The following MGAT4A variants were observed in gnomAD, a reference collection of about 807,000 sequenced individuals.
MGAT4A encodes the protein alpha-1,3-mannosyl-glycoprotein 4-beta-N-acetylglucosaminyltransferase A, also known as N-acetylglucosaminyltransferase IVa.
A neutral mutation model predicts 74.1 loss-of-function variants in MGAT4A; 33 were observed. The ratio of observed to expected loss-of-function variants is 0.45; its 90% CI spans 0.34 to 0.60. MGAT4A has a LOEUF of 0.60. MGAT4A is among the 20% of genes least tolerant of loss of function. The pLI is 0.02. For missense variants in MGAT4A, 479 were observed against 628.3 expected (o/e 0.76, Z 2.54); for synonymous variants, 198 against 210.4 (o/e 0.94, Z 0.51).
At chr2:98,710,042 AAAAC>A (rs2104323798) in intron 2 of MGAT4A, among the ~76,000 whole-genome samples, 1 of 152,344 alleles carries the variant, frequency 6.6e-6, no homozygotes, top group East Asian at 1.9e-4. Flanking sequence ...ATTGGAAAAA[AAAAC>A]AATCAATGAC....
At chr2:98,683,086 T>TAA (rs1052884537) in intron 2 of MGAT4A, among the ~76,000 whole-genome samples, 11 of 136,984 alleles carry the variant, frequency 8.0e-5, no homozygotes, top group Non-Finnish European at 1.4e-4. Context: ...AGACTCCGTC[T>TAA]AAAAAAAAAA....
chr2:98,723,649 C>G (rs1702717727), intron 2 of MGAT4A, among the ~76,000 whole-genome samples: 1 of 152,180 alleles, frequency 6.6e-6, no homozygotes, highest in African/African-American at 2.4e-5. Context: ...GAGCATCTCA[C>G]AATTCCAAAG....
chr2:98,700,079 G>A (rs376651610), intron 2 of MGAT4A, among the ~76,000 whole-genome samples: 2 of 151,830 alleles, frequency 1.3e-5, no homozygotes, highest in Admixed American at 6.6e-5. Context: ...TCATGATTCC[G>A]CTTTTATGGA....
rs1301827773 is a variant in MGAT4A, at chr2:98,619,767, C to G, written c.*5799G>C. On this transcript the variant is annotated 3_prime_UTR_variant, in exon 16 of 16. Transcript: ENST00000393487. ...AAGTACCAAACCCTTGGTTCCAGGA[C>G]AGTTTGCTAATTACTAATACAATGA... 6.6e-6 allele frequency: 1 copy of G among 152,194 alleles called. No homozygotes were observed. Among genetic ancestry groups the G allele is most frequent in the Admixed American group, 6.5e-5 (1 of 15,280 alleles). 9.4% of individuals were successfully genotyped at this position (152,194 alleles called of 1,614,324 possible).
chr2:98,688,088 C>T (rs1702151459), intron 2 of MGAT4A, among the ~76,000 whole-genome samples: 1 of 152,174 alleles, frequency 6.6e-6, no homozygotes, highest in Non-Finnish European at 1.5e-5. Context: ...CCATCTGACT[C>T]CTCCTTAACC....
intron 4 of MGAT4A, among the ~76,000 whole-genome samples, chr2:98,671,196 T>C (rs1169448906): frequency 6.6e-6 from 1 of 152,204 alleles, no homozygotes; most frequent in Admixed American, 6.5e-5. Context: ...CATCTTCTTC[T>C]TCCCATCTCT....
At chr2:98,664,662 C>A (rs923593749) in intron 4 of MGAT4A, among the ~76,000 whole-genome samples, 1 of 152,184 alleles carries the variant, frequency 6.6e-6, no homozygotes, top group Admixed American at 6.5e-5. Context: ...CTTCAACAAG[C>A]AAATCTCAGG....
At chr2:98,720,690 T>C (rs1702657151) in intron 2 of MGAT4A, among the ~76,000 whole-genome samples, 1 of 152,056 alleles carries the variant, frequency 6.6e-6, no homozygotes, top group African/African-American at 2.4e-5. Flanking sequence ...GCCTCAAGAA[T>C]AGATTTGTAC....
intron 2 of MGAT4A, among the ~76,000 whole-genome samples, chr2:98,696,875 T>G (rs1459733579): frequency 1.3e-5 from 2 of 152,220 alleles, no homozygotes. Flanking sequence ...TTTATTACTT[T>G]CTAAGGTTTA....
At chr2:98,675,196 T>A (rs1701962796) in intron 3 of MGAT4A, 21 bp from the exon 4 acceptor site, 7 of 1,533,156 alleles carry the variant, frequency 4.6e-6, no homozygotes, top group Non-Finnish European at 6.2e-6. Context: ...GAAGTATAAT[T>A]AATATACAAG....
intron 8 of MGAT4A, among the ~76,000 whole-genome samples, chr2:98,646,349 T>C (rs1445341069): frequency 1.3e-5 from 2 of 152,122 alleles, no homozygotes; most frequent in Admixed American, 1.3e-4. Context: ...CACTCCTCAA[T>C]GATCGATTCC....
intron 2 of MGAT4A, among the ~76,000 whole-genome samples, chr2:98,725,686 ATAAT>A (rs1288618093): frequency 6.6e-6 from 1 of 152,100 alleles, no homozygotes; most frequent in Non-Finnish European, 1.5e-5. Context: ...CAGTCTAAAC[ATAAT>A]TAATTTTTAA....
At chr2:98,688,353 C>T (rs972737046) in intron 2 of MGAT4A, among the ~76,000 whole-genome samples, 1 of 152,078 alleles carries the variant, frequency 6.6e-6, no homozygotes, top group African/African-American at 2.4e-5. Flanking sequence ...TGCAGTGACC[C>T]CAGTGACCCT....
At chr2:98,675,442 C>A (rs1701966590) in intron 3 of MGAT4A, among the ~76,000 whole-genome samples, 1 of 152,166 alleles carries the variant, frequency 6.6e-6, no homozygotes, top group South Asian at 2.1e-4. Context: ...AAGGGCTCAC[C>A]TCTATAATGT....
intron 2 of MGAT4A, among the ~76,000 whole-genome samples, chr2:98,688,120 G>A (rs929684945): frequency 3.9e-5 from 6 of 151,998 alleles, no homozygotes; most frequent in East Asian, 1.9e-4. Flanking sequence ...ACCAAGGTCC[G>A]CCGCACCCAA....
At position 98,619,841 on chromosome 2, in the gene MGAT4A, A is replaced by T. The variant is rs1458017954; in HGVS notation, c.*5725T>A. 2 of 152,230 alleles carry T rather than the reference A, an allele frequency of 1.3e-5. No homozygotes were observed. Among genetic ancestry groups the T allele is most frequent in the African/African-American group, 2.4e-5 (1 of 41,448 alleles). The allele number at this position is 152,230 out of a possible 1,614,324, so 9.4% of individuals were successfully genotyped here. ...TAAAATAGCCTCCCTAAAGTCCAAG[A>T]GTATTAAAATATTCCCCACAACAAA... is the stretch of plus-strand genomic sequence containing the variant. On this transcript the variant is annotated 3_prime_UTR_variant, in exon 16 of 16. Transcript: ENST00000393487.
At chr2:98,704,169 T>C (rs1702391260) in intron 2 of MGAT4A, among the ~76,000 whole-genome samples, 1 of 152,132 alleles carries the variant, frequency 6.6e-6, no homozygotes, top group African/African-American at 2.4e-5. Flanking sequence ...GGTGAATGAA[T>C]AAATAACTGA....
At chr2:98,667,760 C>T (rs1344649725) in intron 4 of MGAT4A, among the ~76,000 whole-genome samples, 2 of 151,814 alleles carry the variant, frequency 1.3e-5, no homozygotes, top group Non-Finnish European at 2.9e-5. Context: ...GATCTTGTGG[C>T]CCAGGCTGGA....
At chr2:98,689,825 C>T (rs1289235684) in intron 2 of MGAT4A, among the ~76,000 whole-genome samples, 1 of 151,928 alleles carries the variant, frequency 6.6e-6, no homozygotes, top group Non-Finnish European at 1.5e-5. Context: ...CCTGTCTCAA[C>T]AACCACCACA....
Sources: gnomAD v4.1 joint callset for allele counts (sites outside exome capture counted in the v4.1 genomes callset) on GRCh38, gnomAD v4.1.1 for gene constraint, MANE v1.5 for transcripts, NCBI Gene and HGNC (gene_info 2026-07-23, HGNC 2026-07-21) for gene names.